The following CERKL variants were observed in gnomAD, a reference collection of about 807,000 sequenced individuals.
CERKL encodes ceramide kinase-like protein.
A neutral mutation model predicts 63.4 loss-of-function variants in CERKL; 61 were observed. The ratio of observed to expected loss-of-function variants is 0.96; its 90% CI spans 0.78 to 1.19. CERKL has a LOEUF of 1.19. Among genes scored for constraint, CERKL ranks in the 50% most tolerant of loss-of-function variants. CERKL has a pLI of 0.00. For synonymous variants in CERKL, 250 were observed against 230.5 expected (o/e 1.08, Z -0.77); for missense variants, 675 against 655.5 (o/e 1.03, Z -0.33).
chr2:181,629,237 T>C (rs947406505), intron 1 of CERKL, among the ~76,000 whole-genome samples: 1 of 152,104 alleles, frequency 6.6e-6, no homozygotes, highest in African/African-American at 2.4e-5. Context: ...AAAAAAAAGG[T>C]AATCACTTAT....
chr2:181,606,688 G>T (rs1043038069), intron 1 of CERKL, among the ~76,000 whole-genome samples: 3 of 152,022 alleles, frequency 2.0e-5, no homozygotes, highest in African/African-American at 7.3e-5. Flanking sequence ...TCAAGTTTCA[G>T]TTCTTCTCCT....
At chr2:181,543,722 C>T (rs908894361) in intron 11 of CERKL, among the ~76,000 whole-genome samples, 10 of 152,210 alleles carry the variant, frequency 6.6e-5, no homozygotes, top group Non-Finnish European at 8.8e-5. Context: ...TGGTGGCTCA[C>T]GCCTGTAATC....
intron 1 of CERKL, among the ~76,000 whole-genome samples, chr2:181,624,775 T>C (rs571348442): frequency 6.6e-6 from 1 of 152,328 alleles, no homozygotes; most frequent in East Asian, 1.9e-4. Flanking sequence ...CCAAGTGTTT[T>C]TGGTTTGGAC....
intron 1 of CERKL, among the ~76,000 whole-genome samples, chr2:181,613,208 C>G (rs1686048112): frequency 6.6e-6 from 1 of 152,188 alleles, no homozygotes; most frequent in Non-Finnish European, 1.5e-5. Flanking sequence ...CTCTCTGCTT[C>G]TATAAGTTTG....
At chr2:181,590,776 C>A (rs1216579842) in intron 2 of CERKL, among the ~76,000 whole-genome samples, 2 of 152,152 alleles carry the variant, frequency 1.3e-5, no homozygotes, top group Non-Finnish European at 2.9e-5. Flanking sequence ...TTAAAACATA[C>A]AATCTGTTGG....
In CERKL at chr2:181,584,819, TTTTTTG is replaced by T. The variant is rs373541021; in HGVS notation, c.482-10941_482-10936del. On this transcript the variant is annotated intron_variant, in intron 2 of 12. Transcript: ENST00000410087. The stretch of plus-strand genomic sequence containing the variant: ...AAAATCCCCAAATAGCTCCCCGGTT[TTTTTTG>T]TTTTTGTTTTTGTTTTTTTCAGAAT... Among the ~76,000 whole-genome samples, 470 of 151,976 alleles carry T rather than the reference TTTTTTG, an allele frequency of 3.1e-3. 6 individuals carry two copies. The highest frequency in any genetic ancestry group is 9.3e-3 in the African/African-American group (384 of 41,464).
At chr2:181,585,938 G>A (rs115415780) in intron 2 of CERKL, among the ~76,000 whole-genome samples, 4,603 of 152,060 alleles carry the variant, frequency 0.03, 227 homozygotes, top group African/African-American at 0.11. Flanking sequence ...CATCCCCATC[G>A]GGGCACAGAG....
intron 2 of CERKL, 77 bp from the exon 3 acceptor site, chr2:181,573,961 A>G (rs547999928): frequency 1.5e-6 from 2 of 1,373,136 alleles, no homozygotes; most frequent in Non-Finnish European, 2.1e-6. Context: ...ATGACACACA[A>G]GTCTGTTAGA....
intron 1 of CERKL, among the ~76,000 whole-genome samples, chr2:181,608,255 G>A (rs923463528): frequency 1.3e-5 from 2 of 151,684 alleles, no homozygotes; most frequent in South Asian, 2.1e-4. Context: ...AATCTTTAAA[G>A]TCCTTCAAAT....
In CERKL at chr2:181,559,114, A is replaced by T. The variant is rs998819284; in HGVS notation, c.678-406T>A. On this transcript the variant is annotated intron_variant, in intron 4 of 12. Transcript: ENST00000410087. ...TCATAAAATCCTGCTAATTCTCAAT[A>T]AAGCTCTGAAAAGACAGATAGCAAT... 2.6e-5 allele frequency among the ~76,000 whole-genome samples: 4 copies of T among 152,208 alleles called. No homozygotes were observed. The East Asian group carries it at 7.7e-4, about 29-fold the overall frequency.
intron 1 of CERKL, among the ~76,000 whole-genome samples, chr2:181,643,962 C>T (rs6713027): frequency 6.6e-6 from 1 of 152,038 alleles, no homozygotes; most frequent in South Asian, 2.1e-4. Flanking sequence ...TAAAAGCTTA[C>T]CCCTTGTTAA....
At chr2:181,655,901 G>A (rs926936197) in intron 1 of CERKL, among the ~76,000 whole-genome samples, 3 of 152,110 alleles carry the variant, frequency 2.0e-5, no homozygotes, top group African/African-American at 7.2e-5. Flanking sequence ...TCAACAATGG[G>A]GAGTATTTCT....
chr2:181,649,020 C>T (rs997905515), intron 1 of CERKL, among the ~76,000 whole-genome samples: 3 of 152,086 alleles, frequency 2.0e-5, no homozygotes, highest in Non-Finnish European at 4.4e-5. Context: ...TGAGAATCTA[C>T]AAGACAACCA....
intron 1 of CERKL, among the ~76,000 whole-genome samples, chr2:181,613,118 TTC>T (rs1686043087): frequency 6.6e-6 from 1 of 151,730 alleles, no homozygotes; most frequent in African/African-American, 2.4e-5. Context: ...AACTTATTCA[TTC>T]TGTCTAACTG....
At chr2:181,589,552 G>A (rs1355496779) in intron 2 of CERKL, among the ~76,000 whole-genome samples, 2 of 152,084 alleles carry the variant, frequency 1.3e-5, no homozygotes, top group Admixed American at 1.3e-4. Context: ...AATTCATTTT[G>A]TTCCAGTCTA....
intron 11 of CERKL, among the ~76,000 whole-genome samples, chr2:181,543,613 C>T (rs1687600997): frequency 1.3e-5 from 2 of 152,122 alleles, no homozygotes; most frequent in African/African-American, 2.4e-5. Context: ...GTTCAGCTGC[C>T]AGTCATTGGC....
chr2:181,633,005 G>A (rs186742691), intron 1 of CERKL, among the ~76,000 whole-genome samples: 307 of 152,306 alleles, frequency 2.0e-3, no homozygotes, highest in African/African-American at 7.0e-3. Context: ...ACACAGAGGC[G>A]CCTGACTCTC....
rs558190831 is a variant in CERKL, at chr2:181,568,774, C to G, written c.614-2653G>C. Reference sequence around the variant, plus strand: ...TATGTATACATGTGCCATGCTGGTGCGCTGCACCCACTAACTCGTCATCTA... The same window carrying G: ...TATGTATACATGTGCCATGCTGGTGGGCTGCACCCACTAACTCGTCATCTA... On this transcript the variant is annotated intron_variant, in intron 3 of 12. Transcript: ENST00000410087. Among the ~76,000 whole-genome samples the G allele has an allele frequency of 4.7e-5, 7 of 150,172 alleles. No homozygotes were observed. The Admixed American group carries it at 4.7e-4, about 10-fold the overall frequency.
At chr2:181,637,426 G>T (rs2105499375) in intron 1 of CERKL, among the ~76,000 whole-genome samples, 1 of 152,232 alleles carries the variant, frequency 6.6e-6, no homozygotes, top group South Asian at 2.1e-4. Flanking sequence ...GTACATAATG[G>T]ATTTTGATGC....
Sources: gnomAD v4.1 joint callset for allele counts (sites outside exome capture counted in the v4.1 genomes callset) on GRCh38, gnomAD v4.1.1 for gene constraint, MANE v1.5 for transcripts, NCBI Gene and HGNC (gene_info 2026-07-23, HGNC 2026-07-21) for gene names.